Variants in CTNND2 observed in about 807,000 individuals in gnomAD.
The protein encoded by CTNND2 is catenin delta 2.
Under a neutral mutation model 144.4 loss-of-function variants are expected in CTNND2, and 22 were observed. The ratio of observed to expected loss-of-function variants is 0.15; its 90% CI spans 0.11 to 0.22. The LOEUF is 0.22. CTNND2 is among the 10% of genes least tolerant of loss of function. The pLI, the probability that CTNND2 is intolerant of heterozygous loss-of-function variation, is 1.00. For missense variants in CTNND2, 1,353 were observed against 1,618.8 expected, an observed-to-expected ratio of 0.84 and a Z score of 2.82; for synonymous variants, 751 against 695.6, an observed-to-expected ratio of 1.08 and a Z score of -1.25.
chr5:11,616,822 G>A (rs1436482657), intron 2 of CTNND2, among the ~76,000 whole-genome samples: 1 of 152,136 alleles, frequency 6.6e-6, no homozygotes, highest in Non-Finnish European at 1.5e-5. Flanking sequence ...AGCCAGTCTT[G>A]TCTCAAATTC....
chr5:11,491,832 T>C (rs1033323784), intron 3 of CTNND2, among the ~76,000 whole-genome samples: 34 of 152,188 alleles, frequency 2.2e-4, no homozygotes, highest in South Asian at 2.1e-4. Flanking sequence ...AAATAACATA[T>C]CTGAGACAGA....
intron 9 of CTNND2, among the ~76,000 whole-genome samples, chr5:11,291,307 C>G (rs1748328923): frequency 6.6e-6 from 1 of 152,052 alleles, no homozygotes; most frequent in South Asian, 2.1e-4. Context: ...GGCTAGAAAA[C>G]TTGAAGTAAA....
At chr5:11,141,648 T>C (rs960333013) in intron 12 of CTNND2, among the ~76,000 whole-genome samples, 1 of 152,126 alleles carries the variant, frequency 6.6e-6, no homozygotes, top group Admixed American at 6.6e-5. Context: ...TGTTTAGGGA[T>C]AGGAGAAAAC....
chr5:11,893,159 T>C (rs1737115019), intron 1 of CTNND2, among the ~76,000 whole-genome samples: 1 of 152,206 alleles, frequency 6.6e-6, no homozygotes, highest in Admixed American at 6.5e-5. Flanking sequence ...ACAGTATTTA[T>C]GTTTACTACT....
intron 9 of CTNND2, among the ~76,000 whole-genome samples, chr5:11,253,910 C>T (rs1209117277): frequency 1.3e-5 from 2 of 152,156 alleles, no homozygotes; most frequent in Non-Finnish European, 2.9e-5. Context: ...ATACAAAACA[C>T]CTATCTTTCT....
intron 1 of CTNND2, among the ~76,000 whole-genome samples, chr5:11,769,562 T>C (rs1018633754): frequency 1.3e-4 from 20 of 152,162 alleles, no homozygotes; most frequent in East Asian, 3.9e-4. Flanking sequence ...ATTCTACTAA[T>C]AATTTTACAT....
At chr5:11,266,916 T>C (rs1745496401) in intron 9 of CTNND2, among the ~76,000 whole-genome samples, 1 of 152,164 alleles carries the variant, frequency 6.6e-6, no homozygotes, top group Admixed American at 6.5e-5. Context: ...TCCAACTCTG[T>C]TGCCCAGGCT....
chr5:11,463,773 A>G (rs1424768450), intron 3 of CTNND2, among the ~76,000 whole-genome samples: 1 of 152,134 alleles, frequency 6.6e-6, no homozygotes, highest in Non-Finnish European at 1.5e-5. Context: ...TAATGACTTA[A>G]AAAAGCACTG....
At chr5:11,249,135 T>C (rs368265624) in intron 9 of CTNND2, among the ~76,000 whole-genome samples, 29 of 152,216 alleles carry the variant, frequency 1.9e-4, no homozygotes, top group African/African-American at 6.8e-4. Context: ...AAAAGCCTGT[T>C]ATCTAAGAAG....
rs1246165748 is a variant in CTNND2 at position 11,129,144 on chromosome 5, A to G, written c.2160-11577T>C. 5.6e-5 allele frequency among the ~76,000 whole-genome samples: 2 copies of G among 35,416 alleles called. 1 individual carries two copies. Among genetic ancestry groups the G allele is most frequent in the Admixed American group, 1.1e-3 (2 of 1,812 alleles). The allele number at this position is 35,416 out of a possible 152,430, so 23.2% of individuals were successfully genotyped here. The stretch of plus-strand genomic sequence containing the variant: ...TATAATATATATTTATATATATTAT[A>G]TATAAAATATACATATATTATATAT... On this transcript the variant is annotated intron_variant, in intron 12 of 21. Coordinates refer to ENST00000304623, the MANE Select transcript of CTNND2 (RefSeq NM_001332.4).
At chr5:11,102,456 A>G (rs920430658) in intron 14 of CTNND2, among the ~76,000 whole-genome samples, 3 of 152,222 alleles carry the variant, frequency 2.0e-5, no homozygotes, top group Non-Finnish European at 4.4e-5. Context: ...TCTGTTGGAG[A>G]CAGGCTGGTA....
chr5:10,995,024 T>C (rs192243820), intron 18 of CTNND2, among the ~76,000 whole-genome samples: 261 of 152,030 alleles, frequency 1.7e-3, no homozygotes, highest in African/African-American at 5.9e-3. Flanking sequence ...GGAAGCAGCT[T>C]TAGGGAGTGG....
At chr5:11,330,575 T>C (rs936118983) in intron 9 of CTNND2, among the ~76,000 whole-genome samples, 2 of 150,272 alleles carry the variant, frequency 1.3e-5, no homozygotes, top group South Asian at 2.1e-4. Flanking sequence ...AACCCCAGGA[T>C]TGCAGAAGGG....
At chr5:11,149,183 C>T (rs867354523) in intron 12 of CTNND2, among the ~76,000 whole-genome samples, 8 of 152,292 alleles carry the variant, frequency 5.3e-5, no homozygotes, top group Admixed American at 3.9e-4. Context: ...TTATTTTTTG[C>T]AGTAAGCTTC....
intron 3 of CTNND2, among the ~76,000 whole-genome samples, chr5:11,502,245 GCTGA>G (rs926368202): frequency 2.0e-5 from 3 of 152,114 alleles, no homozygotes; most frequent in Non-Finnish European, 2.9e-5. Flanking sequence ...TGAAGTCCAA[GCTGA>G]CTAACGCATT....
At chr5:11,363,888 G>T (rs1178984750) in intron 8 of CTNND2, among the ~76,000 whole-genome samples, 1 of 152,206 alleles carries the variant, frequency 6.6e-6, no homozygotes, top group African/African-American at 2.4e-5. Context: ...TAGGAAAGAA[G>T]GAGAGAGCTG....
At chr5:11,550,804 G>C (rs1245193849) in intron 3 of CTNND2, among the ~76,000 whole-genome samples, 2 of 152,320 alleles carry the variant, frequency 1.3e-5, no homozygotes, top group Non-Finnish European at 2.9e-5. Flanking sequence ...AAATCAAAGG[G>C]TTCTTGTTGA....
chr5:11,520,910 C>T (rs532026864), intron 3 of CTNND2, among the ~76,000 whole-genome samples: 1 of 152,322 alleles, frequency 6.6e-6, no homozygotes, highest in South Asian at 2.1e-4. Flanking sequence ...TAAAGATTTA[C>T]ATTTTGTGAT....
At chr5:11,887,131 A>C (rs937426001) in intron 1 of CTNND2, among the ~76,000 whole-genome samples, 27 of 151,148 alleles carry the variant, frequency 1.8e-4, no homozygotes, top group Non-Finnish European at 2.2e-4. Context: ...CTACAGGCGC[A>C]TACCGCCACG....
Sources: allele counts gnomAD v4.1 joint callset (sites outside exome capture counted in the v4.1 genomes callset), GRCh38; gene constraint gnomAD v4.1.1; transcripts MANE v1.5; gene names NCBI Gene and HGNC (gene_info 2026-07-23, HGNC 2026-07-21).